The following CLNK variants were observed in gnomAD, a reference collection of about 807,000 sequenced individuals.
The protein encoded by CLNK is cytokine dependent hematopoietic cell linker, also known as cytokine-dependent hematopoietic cell linker.
In CLNK, 74 loss-of-function variants were observed where a neutral mutation model predicts 68.6. That is an observed-to-expected ratio of 1.08 (90% confidence interval 0.89 to 1.31). The LOEUF (loss-of-function observed/expected upper bound fraction) is 1.31. Among genes scored for constraint, CLNK ranks in the 50% most tolerant of loss-of-function variants. CLNK has a pLI of 0.00. For missense variants in CLNK, 553 were observed against 515.3 expected (o/e 1.07, Z -0.71); for synonymous variants, 198 against 172.2 (o/e 1.15, Z -1.17).
At chr4:10,504,575 T>C (rs1341540568) in intron 17 of CLNK, among the ~76,000 whole-genome samples, 1 of 152,214 alleles carries the variant, frequency 6.6e-6, no homozygotes, top group East Asian at 1.9e-4. Flanking sequence ...TCTCACCCTT[T>C]AAATACACAA....
In CLNK at chr4:10,635,413, C is replaced by G. The variant is rs571694664; in HGVS notation, c.11+32446G>C. 2.0e-5 allele frequency among the ~76,000 whole-genome samples: 3 copies of G among 152,210 alleles called. No individual in the cohort carries two copies. The South Asian group carries it at 6.2e-4, about 32-fold the overall frequency. ...CCACCTCTGACACTAATCTCTTGGCCAGAATTTAGCTGTACAGTACGTGCT... is the reference window on the plus strand; with the variant it reads ...CCACCTCTGACACTAATCTCTTGGCGAGAATTTAGCTGTACAGTACGTGCT... On this transcript the variant is annotated intron_variant, in intron 2 of 18. Coordinates refer to ENST00000226951, the MANE Select transcript of CLNK (RefSeq NM_052964.4).
chr4:10,551,403 C>G (rs4697757), intron 8 of CLNK, among the ~76,000 whole-genome samples: 32,212 of 148,430 alleles, frequency 0.22, 4,746 homozygotes, highest in African/African-American at 0.39. Flanking sequence ...CACCACCATG[C>G]CCGGCTAATT....
At chr4:10,546,924 G>C (rs1719255219) in intron 8 of CLNK, among the ~76,000 whole-genome samples, 1 of 152,096 alleles carries the variant, frequency 6.6e-6, no homozygotes, top group South Asian at 2.1e-4. Flanking sequence ...GCAGTGCAGG[G>C]GATCAGATGG....
intron 2 of CLNK, among the ~76,000 whole-genome samples, chr4:10,641,185 GT>G (rs1301850416): frequency 6.6e-6 from 1 of 152,162 alleles, no homozygotes; most frequent in Non-Finnish European, 1.5e-5. Flanking sequence ...GAGGCTGGGA[GT>G]TTTGCTTGGG....
At chr4:10,727,289 G>T in the CLNK span, among the ~76,000 whole-genome samples, 2 of 152,212 alleles carry the variant, frequency 1.3e-5, no homozygotes, top group South Asian at 2.1e-4. Flanking sequence ...AGCACAGTTT[G>T]CAGGTGGGGC....
At chr4:10,560,390 A>G (rs558467546) in intron 7 of CLNK, among the ~76,000 whole-genome samples, 1 of 152,274 alleles carries the variant, frequency 6.6e-6, no homozygotes, top group African/African-American at 2.4e-5. Flanking sequence ...GGCCTTTGTA[A>G]AAATTATTGA....
At chr4:10,587,986 C>A (rs9685496) in intron 3 of CLNK, among the ~76,000 whole-genome samples, 1 of 152,210 alleles carries the variant, frequency 6.6e-6, no homozygotes, top group African/African-American at 2.4e-5. Flanking sequence ...CATTTATCGA[C>A]GGCCTGAGTG....
At chr4:10,729,685 C>G in the CLNK span, among the ~76,000 whole-genome samples, 14 of 152,190 alleles carry the variant, frequency 9.2e-5, no homozygotes. Context: ...AATGGAAAGT[C>G]AAATACTGTC....
intron 14 of CLNK, 123 bp from the exon 15 acceptor site, chr4:10,520,954 A>T: frequency 1.4e-6 from 1 of 707,944 alleles, no homozygotes. Context: ...TTTATATTTT[A>T]CTGGATATGC....
chr4:10,722,811 A>G, the CLNK span, among the ~76,000 whole-genome samples: 1 of 152,192 alleles, frequency 6.6e-6, no homozygotes, highest in Non-Finnish European at 1.5e-5. Context: ...GCACTTTGGG[A>G]GGCCGAGGCG....
intron 2 of CLNK, among the ~76,000 whole-genome samples, chr4:10,611,286 C>T (rs1234638599): frequency 1.3e-5 from 2 of 152,120 alleles, no homozygotes; most frequent in African/African-American, 4.8e-5. Flanking sequence ...GTACTGCACT[C>T]CAGCCTGGTG....
intron 4 of CLNK, among the ~76,000 whole-genome samples, chr4:10,575,244 T>C (rs1403177324): frequency 1.3e-5 from 2 of 152,210 alleles, no homozygotes; most frequent in Non-Finnish European, 2.9e-5. Flanking sequence ...CCTTTACCTC[T>C]TTCTCACCTC....
At chr4:10,569,298 A>G (rs949458717) in intron 5 of CLNK, among the ~76,000 whole-genome samples, 4 of 150,248 alleles carry the variant, frequency 2.7e-5, no homozygotes, top group Non-Finnish European at 5.9e-5. Context: ...CTTATCTGAT[A>G]GGATTAGTGT....
intron 12 of CLNK, chr4:10,531,842 G>A: frequency 2.2e-6 from 1 of 462,370 alleles, no homozygotes. Context: ...TTCCTACCCA[G>A]GTCTTGTGCA....
At chr4:10,662,325 T>A (rs1347180709) in intron 2 of CLNK, among the ~76,000 whole-genome samples, 1 of 152,232 alleles carries the variant, frequency 6.6e-6, no homozygotes, top group African/African-American at 2.4e-5. Flanking sequence ...ATGCTTGATC[T>A]AAATCCCCTG....
At chr4:10,696,709 C>T in the CLNK span, among the ~76,000 whole-genome samples, 1 of 152,178 alleles carries the variant, frequency 6.6e-6, no homozygotes, top group Non-Finnish European at 1.5e-5. Context: ...CTCTCCTTCC[C>T]AGCCTGCCAC....
In CLNK at chr4:10,556,901, C is replaced by T. The variant is rs936679277; in HGVS notation, c.445+1506G>A. On this transcript the variant is annotated intron_variant, in intron 8 of 18. Transcript: ENST00000226951. ...GACCAGCCTGACCAACATGGTGAAA[C>T]CCCGTCTCTACTAAAAATACAAAAA... 3.9e-5 allele frequency among the ~76,000 whole-genome samples: 6 copies of T among 151,968 alleles called. No homozygotes were observed. In the East Asian group the frequency reaches 9.7e-4, roughly 25 times the overall value.
chr4:10,540,953 G>A (rs1027039396), intron 10 of CLNK, among the ~76,000 whole-genome samples: 13 of 152,094 alleles, frequency 8.5e-5, no homozygotes, highest in African/African-American at 2.9e-4. Context: ...GGTGGCTCAC[G>A]CCTGTAATCC....
chr4:10,535,213 G>GAGAAAGAAAGAAAGAAAGAAAGAATGAA (rs1718700999), intron 11 of CLNK, among the ~76,000 whole-genome samples: 5 of 131,298 alleles, frequency 3.8e-5, no homozygotes, highest in African/African-American at 1.4e-4. Flanking sequence ...AAGAAAGAAA[G>GAGAAAGAAAGAAAGAAAGAAAGAATGAA]AGAAAGAAAG....
Sources: gnomAD v4.1 joint callset for allele counts (sites outside exome capture counted in the v4.1 genomes callset) on GRCh38, gnomAD v4.1.1 for gene constraint, MANE v1.5 for transcripts, NCBI Gene and HGNC (gene_info 2026-07-23, HGNC 2026-07-21) for gene names.